CDH13: variants seen among roughly 807,000 people sequenced by gnomAD.
The protein encoded by CDH13 is cadherin 13.
Under a neutral mutation model 63.8 loss-of-function variants are expected in CDH13, and 24 were observed. The ratio of observed to expected loss-of-function variants is 0.38; its 90% confidence interval spans 0.27 to 0.53. CDH13 has a LOEUF of 0.53. CDH13 is among the 20% of genes least tolerant of loss of function. CDH13 has a pLI of 0.85. For synonymous variants in CDH13, 503 were observed against 355.3 expected (o/e 1.42, Z -4.67); for missense variants, 1,049 against 903.1 (o/e 1.16, Z -2.07).
Position 82,849,496 on chromosome 16 carries a change from G to A in CDH13, c.46-8866G>A, listed in dbSNP as rs368164606. ...CAGCCTGGTGACAGAGTGAGACTCC[G>A]TCTCAAAAAAATAAATAAATAAAAT... On this transcript the variant is annotated intron_variant, in intron 1 of 13. Coordinates refer to ENST00000567109, the MANE Select transcript of CDH13 (RefSeq NM_001257.5). Among the ~76,000 whole-genome samples, 36 of 152,146 alleles carry A rather than the reference G, an allele frequency of 2.4e-4. 1 individual carries two copies. The East Asian group carries it at 4.6e-3, about 20-fold the overall frequency.
At chr16:83,526,602 T>C (rs1490974223) in intron 7 of CDH13, among the ~76,000 whole-genome samples, 1 of 152,212 alleles carries the variant, frequency 6.6e-6, no homozygotes, top group Non-Finnish European at 1.5e-5. Flanking sequence ...TCCTGCTGTG[T>C]GGCCCAATTC....
At chr16:82,842,894 T>G (rs1225684214) in intron 1 of CDH13, among the ~76,000 whole-genome samples, 1 of 152,112 alleles carries the variant, frequency 6.6e-6, no homozygotes, top group Admixed American at 6.6e-5. Context: ...ACATGTGTGG[T>G]TCACAAAGCA....
chr16:83,788,888 C>G (rs1055306316), intron 13 of CDH13, among the ~76,000 whole-genome samples: 5 of 151,610 alleles, frequency 3.3e-5, no homozygotes, highest in Non-Finnish European at 5.9e-5. Flanking sequence ...TCAGTTGACA[C>G]TCCAATGGTT....
intron 4 of CDH13, among the ~76,000 whole-genome samples, chr16:83,180,157 G>GGTTT (rs542981002): frequency 7.1e-6 from 1 of 141,204 alleles, no homozygotes; most frequent in Non-Finnish European, 1.5e-5. Flanking sequence ...TGTTGTTGTT[G>GGTTT]GTTTGTTTGT....
At position 82,872,830 on chromosome 16, in the gene CDH13, A is replaced by G. The variant is rs146840984; in HGVS notation, c.157+14357A>G. On this transcript the variant is annotated intron_variant, in intron 2 of 13. Coordinates refer to ENST00000567109, the MANE Select transcript of CDH13 (RefSeq NM_001257.5). Reference sequence around the variant, plus strand: ...ACTCATTTAGCCAACTATAGAAGAAACACTGAATGATCACCTAGTTTTTGC... The same window carrying G: ...ACTCATTTAGCCAACTATAGAAGAAGCACTGAATGATCACCTAGTTTTTGC... Among the ~76,000 whole-genome samples the G allele has an allele frequency of 3.2e-4, 49 of 152,322 alleles. No homozygotes were observed. The East Asian group carries it at 9.1e-3, about 28-fold the overall frequency.
intron 1 of CDH13, among the ~76,000 whole-genome samples, chr16:82,643,552 G>C (rs956924724): frequency 6.6e-6 from 1 of 152,188 alleles, no homozygotes; most frequent in Non-Finnish European, 1.5e-5. Context: ...AGCAACCTGT[G>C]TTATTTGGAA....
intron 1 of CDH13, among the ~76,000 whole-genome samples, chr16:82,853,460 C>T (rs1173022214): frequency 6.6e-6 from 1 of 152,178 alleles, no homozygotes; most frequent in African/African-American, 2.4e-5. Flanking sequence ...CCAGGAACTA[C>T]TTAAGGCTCT....
At chr16:83,149,525 TATC>T (rs1242169226) in intron 4 of CDH13, among the ~76,000 whole-genome samples, 2 of 152,212 alleles carry the variant, frequency 1.3e-5, no homozygotes, top group African/African-American at 4.8e-5. Context: ...CATGGAAACT[TATC>T]ATGTGCTAGG....
At chr16:83,512,495 C>T (rs1043421177) in intron 7 of CDH13, among the ~76,000 whole-genome samples, 1 of 150,792 alleles carries the variant, frequency 6.6e-6, no homozygotes, top group African/African-American at 2.4e-5. Context: ...ATGATGAAAC[C>T]GATCTCTACT....
intron 5 of CDH13, among the ~76,000 whole-genome samples, chr16:83,250,755 T>C (rs529418412): frequency 6.6e-6 from 1 of 152,176 alleles, no homozygotes; most frequent in Non-Finnish European, 1.5e-5. Context: ...GGATTTATTC[T>C]AAGTGCACAT....
rs187334003 is a variant in CDH13, at chr16:83,458,842, C to G, written c.782-27635C>G. On this transcript the variant is annotated intron_variant, in intron 6 of 13. Coordinates refer to ENST00000567109, the MANE Select transcript of CDH13 (RefSeq NM_001257.5). The stretch of plus-strand genomic sequence containing the variant: ...TCTCTTTCTCTGACTCAACCCAAGT[C>G]TGATGAGATTTCAGTTTCACTGCAG... Among the ~76,000 whole-genome samples, 38 of 152,344 alleles carry G rather than the reference C, an allele frequency of 2.5e-4. No homozygotes were observed. The Middle Eastern group carries it at 0.017, about 68-fold the overall frequency.
chr16:82,778,358 C>A (rs1204827294), intron 1 of CDH13, among the ~76,000 whole-genome samples: 1 of 152,064 alleles, frequency 6.6e-6, no homozygotes, highest in East Asian at 1.9e-4. Context: ...CATCCACCTG[C>A]TTTGACTCAT....
intron 13 of CDH13, among the ~76,000 whole-genome samples, chr16:83,788,926 C>T (rs1234714589): frequency 2.0e-5 from 3 of 152,034 alleles, no homozygotes; most frequent in Non-Finnish European, 4.4e-5. Context: ...AGTTTCAGCC[C>T]CCAAAAAACA....
chr16:83,690,819 G>A (rs1904784075), intron 10 of CDH13, among the ~76,000 whole-genome samples: 1 of 152,050 alleles, frequency 6.6e-6, no homozygotes, highest in Non-Finnish European at 1.5e-5. Context: ...CCTCCCAGGT[G>A]CCAGTGATTC....
intron 1 of CDH13, among the ~76,000 whole-genome samples, chr16:82,673,303 C>T (rs756768746): frequency 6.6e-6 from 1 of 152,110 alleles, no homozygotes; most frequent in Non-Finnish European, 1.5e-5. Flanking sequence ...TTCATTCATT[C>T]ATTCAATAAA....
At chr16:82,695,670 C>T (rs2030198441) in intron 1 of CDH13, among the ~76,000 whole-genome samples, 1 of 152,180 alleles carries the variant, frequency 6.6e-6, no homozygotes. Flanking sequence ...TCAGTCAAAG[C>T]CCCTATCTGA....
At chr16:82,871,348 C>T (rs1016751973) in intron 2 of CDH13, among the ~76,000 whole-genome samples, 2 of 152,050 alleles carry the variant, frequency 1.3e-5, no homozygotes, top group South Asian at 2.1e-4. Context: ...GCCATGGAGC[C>T]ATTTCAGAAG....
intron 5 of CDH13, among the ~76,000 whole-genome samples, chr16:83,255,117 A>G (rs1212006811): frequency 6.6e-6 from 1 of 152,106 alleles, no homozygotes; most frequent in African/African-American, 2.4e-5. Flanking sequence ...AACCTCTGCT[A>G]TTATTTTTAA....
In CDH13 at chr16:83,341,989, C is replaced by CACACA. The variant is rs2090733078; in HGVS notation, c.637-2873_637-2872insACACA. ...ATTTATTTTGAATAGGTGTCCCCTG[C>CACACA]CACACACACACACACACACACACAC... On this transcript the variant is annotated intron_variant, in intron 5 of 13. Coordinates refer to ENST00000567109, the MANE Select transcript of CDH13 (RefSeq NM_001257.5). Among the ~76,000 whole-genome samples, 556 of 138,152 alleles carry CACACA rather than the reference C, an allele frequency of 4.0e-3. 3 individuals carry two copies. Among genetic ancestry groups the CACACA allele is most frequent in the Non-Finnish European group, 7.1e-3 (455 of 64,248 alleles). The allele number at this position is 138,152 out of a possible 152,430, so 90.6% of individuals were successfully genotyped here. A position where few individuals can be genotyped will look rare whatever the true frequency, so the allele number is the denominator to read the frequency against.
Sources: gnomAD v4.1 joint callset for allele counts (sites outside exome capture counted in the v4.1 genomes callset) on GRCh38, gnomAD v4.1.1 for gene constraint, MANE v1.5 for transcripts, NCBI Gene and HGNC (gene_info 2026-07-23, HGNC 2026-07-21) for gene names.